Variants in LOXL3 observed in about 807,000 individuals in gnomAD.
The protein encoded by LOXL3 is lysyl oxidase like 3.
LOXL3 carries 60 observed loss-of-function variants against 91.8 expected under a neutral mutation model. The ratio of observed to expected loss-of-function variants is 0.65; its 90% CI spans 0.53 to 0.81. The LOEUF (loss-of-function observed/expected upper bound fraction) is 0.81. Among genes scored for constraint, LOXL3 ranks in the 30% least tolerant of loss-of-function variants. LOXL3 has a pLI of 0.00. For missense variants in LOXL3, 874 were observed against 1,000.4 expected (o/e 0.87, Z 1.70); for synonymous variants, 355 against 387.6 (o/e 0.92, Z 0.99).
In LOXL3 at chr2:74,542,814, G is replaced by A. The variant is rs370098453; in HGVS notation, c.693-5886C>T. 4.6e-5 allele frequency among the ~76,000 whole-genome samples: 7 copies of A among 152,032 alleles called. No homozygotes were observed. In the South Asian group the frequency reaches 8.3e-4, roughly 18 times the overall value. Reference sequence around the variant, plus strand: ...TAATTTTTGTATTTTTAGTAGAGACGGAGTTTCATCATGTTGGCCAGGCTG... The same window carrying A: ...TAATTTTTGTATTTTTAGTAGAGACAGAGTTTCATCATGTTGGCCAGGCTG... On this transcript the variant is annotated intron_variant, in intron 4 of 13. Coordinates refer to ENST00000264094, the MANE Select transcript of LOXL3 (RefSeq NM_032603.5).
rs1675672797 is a variant in LOXL3 at position 74,532,366 on chromosome 2, G to C, written c.*1240C>G. 5 of 520,028 alleles carry C rather than the reference G, an allele frequency of 9.6e-6. No homozygotes were observed. Among genetic ancestry groups the C allele is most frequent in the African/African-American group, 3.8e-5 (2 of 52,014 alleles). The allele number at this position is 520,028 out of a possible 1,614,324, so 32.2% of individuals were successfully genotyped here. On this transcript the variant is annotated 3_prime_UTR_variant, in exon 14 of 14. Coordinates refer to ENST00000264094, the MANE Select transcript of LOXL3 (RefSeq NM_032603.5). ...TTCTTTCCCCTTAAAGCTTCTCTTA[G>C]TATTCTAGAATGACATTAGTGCTAT...
In LOXL3 at chr2:74,534,710, G is replaced by T. The variant is rs1284813152; in HGVS notation, c.1644C>A (p.Pro548=). 6.2e-7 allele frequency: 1 copy of T among 1,614,166 alleles called. No homozygotes were observed. Among genetic ancestry groups the T allele is most frequent in the South Asian group, 1.1e-5 (1 of 91,084 alleles). The part of the protein sequence containing the change: ...VQETAYIEDR[P]LHMLYCAAEE... ...CCGCAGCACAGTACAACATATGCAG[G>T]GGCCGGTCTTCGATGTAGGCGGTCT... Residue 548 remains proline (P), a synonymous_variant, in exon 10 of 14, where the codon CCC becomes CCA. Coordinates refer to ENST00000264094, the MANE Select transcript of LOXL3 (RefSeq NM_032603.5).
chr2:74,552,558 G>T lies in LOXL3; in HGVS notation c.77C>A (p.Ser26Tyr). 6.2e-7 allele frequency: 1 copy of T among 1,611,746 alleles called. No homozygotes were observed. The highest frequency in any genetic ancestry group is 8.5e-7 in the Non-Finnish European group (1 of 1,179,100). The change falls in exon 2 of 14, where the codon TCT (serine) becomes TAT (tyrosine). Residue 26 changes from serine to tyrosine, a missense_variant. By Grantham distance (144) the Ser-to-Tyr change is moderately radical. Coordinates refer to ENST00000264094, the MANE Select transcript of LOXL3 (RefSeq NM_032603.5). ...LCLLCSSCLGSPSPSTGPEKK... is the reference protein window; with the variant it reads ...LCLLCSSCLGYPSPSTGPEKK... ...CTCAGGGCCCGTGGAAGGGGACGGAGACCCCAAGCACGAACTGCACAGCAG... is the reference window on the plus strand; with the variant it reads ...CTCAGGGCCCGTGGAAGGGGACGGATACCCCAAGCACGAACTGCACAGCAG...
intron 9 of LOXL3, 132 bp from the exon 10 acceptor site, chr2:74,534,906 T>C: frequency 3.9e-6 from 4 of 1,015,494 alleles, no homozygotes; most frequent in Non-Finnish European, 5.7e-6. Flanking sequence ...TGAGATGGAG[T>C]CTCACTCTGT....
chr2:74,538,738 T>TA (rs1676158464), intron 4 of LOXL3, among the ~76,000 whole-genome samples: 1 of 152,206 alleles, frequency 6.6e-6, no homozygotes, highest in African/African-American at 2.4e-5. Flanking sequence ...AAATAAAGCA[T>TA]TTGATTTGGG....
Position 74,536,170 on chromosome 2 carries a change from A to T in LOXL3, c.1094-20T>A. Reference sequence around the variant, plus strand: ...CCATGCCTAGGGCCAGATGGCAAAGATCAGGAAGTTGTAATTAAGCATATA... The same window carrying T: ...CCATGCCTAGGGCCAGATGGCAAAGTTCAGGAAGTTGTAATTAAGCATATA... On this transcript the variant is annotated intron_variant, in intron 6 of 13. Transcript: ENST00000264094. The surrounding 1 kb of genome is among the most constrained non-coding windows in gnomAD (Gnocchi z 4.5). The T allele has an allele frequency of 6.2e-7, 1 of 1,612,932 alleles. No individual in the cohort carries two copies. The highest frequency in any genetic ancestry group is 1.1e-5 in the South Asian group (1 of 91,078).
At chr2:74,554,782 C>CT (rs759252474), upstream of LOXL3, 14 of 1,613,988 alleles carry the variant, frequency 8.7e-6, no homozygotes, top group South Asian at 3.3e-5. This position sits in a 1 kb window ranked among gnomAD's most constrained non-coding sequence, Gnocchi z 4.9. Flanking sequence ...GGAAGGGCCG[C>CT]TTTTTTTGCA....
upstream of LOXL3, chr2:74,554,860 G>GT (rs767325562): frequency 9.9e-6 from 16 of 1,609,830 alleles, no homozygotes; most frequent in African/African-American, 2.0e-4. The surrounding 1 kb of genome is among the most constrained non-coding windows in gnomAD (Gnocchi z 4.9). Flanking sequence ...CTAGTAGTGG[G>GT]TGAGAGAGCC....
In LOXL3 at chr2:74,552,592, GC is replaced by G; in HGVS notation, c.42del (p.Leu15CysfsTer98). ...VSVWQWSPWG[L>X]LLCLLCSSCL... is the part of the protein sequence containing the mutation. ...CACGAACTGCACAGCAGGCACAGCA[GC>G]AGCCCCCAGGGGCTCCACTGCCAGA... On this transcript the variant is annotated frameshift_variant, in exon 2 of 14. Coordinates refer to ENST00000264094, the MANE Select transcript of LOXL3 (RefSeq NM_032603.5). LOFTEE classifies it high-confidence loss of function. The G allele has an allele frequency of 8.8e-6, 14 of 1,595,574 alleles. No individual in the cohort carries two copies. Among genetic ancestry groups the G allele is most frequent in the Non-Finnish European group, 1.1e-5 (13 of 1,168,072 alleles).
chr2:74,546,493 C>T (rs915357426), intron 4 of LOXL3, among the ~76,000 whole-genome samples: 1 of 152,144 alleles, frequency 6.6e-6, no homozygotes, highest in Non-Finnish European at 1.5e-5. Flanking sequence ...GCCACAGTGG[C>T]CTCCAGGAGA....
chr2:74,552,762 CGA>C, intron 1 of LOXL3, 116 bp from the exon 2 acceptor site: 1 of 893,266 alleles, frequency 1.1e-6, no homozygotes, highest in East Asian at 2.7e-5. Flanking sequence ...ACAGAGACAG[CGA>C]GAGACAACAG....
chr2:74,554,347 C>T (rs1376475568), upstream of LOXL3: 1 of 191,580 alleles, frequency 5.2e-6, no homozygotes, highest in Non-Finnish European at 1.1e-5. This position sits in a 1 kb window ranked among gnomAD's most constrained non-coding sequence, Gnocchi z 4.9. Context: ...GGGGCGGGCC[C>T]GGCCAGGGTA....
chr2:74,536,523 G>A lies in LOXL3; in HGVS notation c.913-52C>T. 4 of 1,561,586 alleles carry A rather than the reference G, an allele frequency of 2.6e-6. No homozygotes were observed. Among genetic ancestry groups the A allele is most frequent in the Non-Finnish European group, 3.5e-6 (4 of 1,148,784 alleles). On this transcript the variant is annotated intron_variant, in intron 5 of 13. Coordinates refer to ENST00000264094, the MANE Select transcript of LOXL3 (RefSeq NM_032603.5). This position sits in a 1 kb window ranked among gnomAD's most constrained non-coding sequence, Gnocchi z 4.5. ...AGGCAAATGGCAACATCTGCACGGA[G>A]GGCTAAGCAGACCTGGGAGATGAGT...
At position 74,549,423 on chromosome 2, in the gene LOXL3, A is replaced by G; in HGVS notation, c.638T>C (p.Val213Ala). The G allele has an allele frequency of 6.2e-7, 1 of 1,613,046 alleles. No individual in the cohort carries two copies. Among genetic ancestry groups the G allele is most frequent in the Non-Finnish European group, 8.5e-7 (1 of 1,179,522 alleles). ...KGWSAHNSHVVCGMLGFPSEK... is the reference protein window; with the variant it reads ...KGWSAHNSHVACGMLGFPSEK... ...GCTGGGGAAGCCCAGCATCCCGCAG[A>G]CCACGTGGCTGTTGTGGGCGCTCCA... Residue 213 changes from valine to alanine, a missense_variant, in exon 4 of 14, where the codon GTC becomes GCC. Physicochemically the swap from Val to Ala is moderately conservative, Grantham distance 64. Coordinates refer to ENST00000264094, the MANE Select transcript of LOXL3 (RefSeq NM_032603.5). This position sits in a 1 kb window ranked among gnomAD's most constrained non-coding sequence, Gnocchi z 5.3.
intron 4 of LOXL3, among the ~76,000 whole-genome samples, chr2:74,540,625 A>C (rs1676271257): frequency 6.6e-6 from 1 of 150,792 alleles, no homozygotes; most frequent in Non-Finnish European, 1.5e-5. Flanking sequence ...AACTGAGTTC[A>C]TCTCCCAAAC....
At chr2:74,554,395 C>CG, upstream of LOXL3, 1 of 258,654 alleles carries the variant, frequency 3.9e-6, no homozygotes, top group Non-Finnish European at 7.4e-6. This position sits in a 1 kb window ranked among gnomAD's most constrained non-coding sequence, Gnocchi z 4.9. Context: ...CTCTCCGGTG[C>CG]CCGGGGCGCT....
Position 74,535,510 on chromosome 2 carries a change from G to A in LOXL3, c.1417-56C>T. 1 of 1,612,098 alleles carries A rather than the reference G, an allele frequency of 6.2e-7. No homozygotes were observed. Among genetic ancestry groups the A allele is most frequent in the Non-Finnish European group, 8.5e-7 (1 of 1,179,798 alleles). On this transcript the variant is annotated intron_variant, in intron 8 of 13. Coordinates refer to ENST00000264094, the MANE Select transcript of LOXL3 (RefSeq NM_032603.5). The surrounding 1 kb of genome is among the most constrained non-coding windows in gnomAD (Gnocchi z 4.2). The stretch of plus-strand genomic sequence containing the variant: ...CCCAGGATCCAGCATCTTGGGCCAA[G>A]GGACTCATTCCTCAGCCCTCTGCCC...
In LOXL3 at chr2:74,532,367, T is replaced by TAA. The variant is rs1177871307; in HGVS notation, c.*1238_*1239insTT. On this transcript the variant is annotated 3_prime_UTR_variant, in exon 14 of 14. Coordinates refer to ENST00000264094, the MANE Select transcript of LOXL3 (RefSeq NM_032603.5). ...TCTTTCCCCTTAAAGCTTCTCTTAG[T>TAA]ATTCTAGAATGACATTAGTGCTATT... 1.9e-6 allele frequency: 1 copy of TAA among 521,440 alleles called. No individual in the cohort carries two copies. The highest frequency in any genetic ancestry group is 1.9e-5 in the African/African-American group (1 of 52,172). 32.3% of individuals were successfully genotyped at this position (521,440 alleles called of 1,614,324 possible).
upstream of LOXL3, chr2:74,554,860 G>A: frequency 6.2e-7 from 1 of 1,609,948 alleles, no homozygotes; most frequent in Non-Finnish European, 8.5e-7. This position sits in a 1 kb window ranked among gnomAD's most constrained non-coding sequence, Gnocchi z 4.9. Flanking sequence ...CTAGTAGTGG[G>A]TGAGAGAGCC....
Sources: gnomAD v4.1 joint callset for allele counts (sites outside exome capture counted in the v4.1 genomes callset) on GRCh38, gnomAD v4.1.1 for gene constraint, Gnocchi (gnomAD v3.1) non-coding constraint, MANE v1.5 for transcripts, NCBI Gene and HGNC (gene_info 2026-07-23, HGNC 2026-07-21) for gene names.